Variants in PSMA1 observed in about 807,000 individuals in gnomAD.
PSMA1 encodes the protein proteasome 20S subunit alpha 1, also known as proteasome subunit alpha type-1.
PSMA1 carries 3 observed loss-of-function variants against 38.4 expected under a neutral mutation model. The ratio of observed to expected loss-of-function variants is 0.08; its 90% CI spans 0.04 to 0.20. The LOEUF is 0.20. PSMA1 is among the 10% of genes least tolerant of loss of function. The pLI is 1.00. For synonymous variants in PSMA1, 101 were observed against 107.1 expected (o/e 0.94, Z 0.35); for missense variants, 227 against 325.3 (o/e 0.70, Z 2.32).
intron 1 of PSMA1, among the ~76,000 whole-genome samples, chr11:14,637,434 C>T (rs535490906): frequency 5.1e-4 from 78 of 152,248 alleles, no homozygotes; most frequent in African/African-American, 1.9e-3. Context: ...TCTCCTTTAC[C>T]AAACTGAGGA....
At chr11:14,519,174 T>C (rs751393339) in intron 1 of PSMA1, 133 bp from the exon 2 acceptor site, 1 of 771,230 alleles carries the variant, frequency 1.3e-6, no homozygotes, top group Admixed American at 2.0e-5. Flanking sequence ...TACTGGAAGA[T>C]TACTACTGTA....
intron 2 of PSMA1, among the ~76,000 whole-genome samples, chr11:14,573,498 T>C (rs1054910061): frequency 3.9e-5 from 6 of 152,212 alleles, no homozygotes; most frequent in Non-Finnish European, 7.3e-5. Context: ...AATTAGGTAT[T>C]GATGGGACAT....
chr11:14,638,390 TAAGAA>T (rs1358111815), intron 1 of PSMA1, among the ~76,000 whole-genome samples: 3 of 151,416 alleles, frequency 2.0e-5, no homozygotes, highest in East Asian at 3.9e-4. Flanking sequence ...AAAAATTTTT[TAAGAA>T]AAGAATAGTC....
At chr11:14,506,199 T>C (rs1254710070) in intron 9 of PSMA1, among the ~76,000 whole-genome samples, 1 of 152,210 alleles carries the variant, frequency 6.6e-6, no homozygotes, top group African/African-American at 2.4e-5. Flanking sequence ...GTATATATAA[T>C]TTCACATTTC....
At position 14,583,732 on chromosome 11, in the gene PSMA1, G is replaced by T. The variant is rs143255112; in HGVS notation, c.21+27234C>A. On this transcript the variant is annotated intron_variant, in intron 2 of 10. Coordinates refer to the PSMA1 transcript ENST00000418988. Reference sequence around the variant, plus strand: ...ATTATAAAAGTTTTCCCCAGCAAAGGAGACACAACATTAGGAGAAAAGTAG... The same window carrying T: ...ATTATAAAAGTTTTCCCCAGCAAAGTAGACACAACATTAGGAGAAAAGTAG... Among the ~76,000 whole-genome samples the T allele has an allele frequency of 9.1e-3, 1,385 of 152,260 alleles. 67 individuals carry two copies. Among genetic ancestry groups the T allele is most frequent in the Non-Finnish European group, 2.2e-3 (153 of 68,022 alleles).
intron 9 of PSMA1, 92 bp from the exon 10 acceptor site, chr11:14,505,340 G>A (rs1554966273): frequency 2.8e-6 from 3 of 1,053,286 alleles, no homozygotes; most frequent in Non-Finnish European, 2.9e-6. Context: ...TAAAAATTGA[G>A]AAAAAGGGGT....
chr11:14,559,301 G>T (rs1449423716), intron 2 of PSMA1, among the ~76,000 whole-genome samples: 1 of 152,140 alleles, frequency 6.6e-6, no homozygotes, highest in Admixed American at 6.5e-5. Context: ...AGATGTAGTG[G>T]GTTAAGGAAG....
At chr11:14,526,944 T>C (rs1393146632) in intron 2 of PSMA1, among the ~76,000 whole-genome samples, 2 of 152,192 alleles carry the variant, frequency 1.3e-5, no homozygotes, top group African/African-American at 4.8e-5. Flanking sequence ...GCCTAACTCA[T>C]TGCCTTAACT....
intron 1 of PSMA1, among the ~76,000 whole-genome samples, chr11:14,634,045 C>G (rs558330339): frequency 6.6e-6 from 1 of 152,298 alleles, no homozygotes; most frequent in South Asian, 2.1e-4. Context: ...GTCTGGCACT[C>G]CCTAGTGAGA....
At chr11:14,532,440 A>G (rs527418707) in intron 2 of PSMA1, among the ~76,000 whole-genome samples, 22 of 151,378 alleles carry the variant, frequency 1.5e-4, no homozygotes, top group Non-Finnish European at 2.7e-4. Context: ...CCCCACCTCT[A>G]CTAAAAATAC....
upstream of PSMA1, among the ~76,000 whole-genome samples, chr11:14,523,951 T>C (rs1489542074): frequency 6.6e-6 from 1 of 151,374 alleles, no homozygotes; most frequent in Non-Finnish European, 1.5e-5. Flanking sequence ...GTAGGAAGAC[T>C]AGGTCAGCGA....
At chr11:14,640,975 G>GT (rs1402843443) in intron 1 of PSMA1, among the ~76,000 whole-genome samples, 2 of 152,080 alleles carry the variant, frequency 1.3e-5, no homozygotes, top group East Asian at 3.8e-4. Context: ...GAGCAGGGTG[G>GT]TAACAGCCAG....
At chr11:14,602,320 CTG>C (rs1331642151) in intron 2 of PSMA1, among the ~76,000 whole-genome samples, 1 of 152,152 alleles carries the variant, frequency 6.6e-6, no homozygotes, top group Admixed American at 6.5e-5. Context: ...GCAAGGAAAA[CTG>C]TCTCATTTAT....
At chr11:14,540,503 ATGTC>A (rs1851762215) in intron 2 of PSMA1, among the ~76,000 whole-genome samples, 1 of 152,202 alleles carries the variant, frequency 6.6e-6, no homozygotes, top group Admixed American at 6.5e-5. Flanking sequence ...CTGGAGGTAA[ATGTC>A]TGTTTTTCAG....
At chr11:14,524,162 AG>A (rs1243369303), upstream of PSMA1, among the ~76,000 whole-genome samples, 1 of 142,536 alleles carries the variant, frequency 7.0e-6, no homozygotes, top group Non-Finnish European at 1.5e-5. Flanking sequence ...AGAGAGAGGG[AG>A]GAAGAAAGGA....
chr11:14,550,802 G>A (rs1851877226), intron 2 of PSMA1, among the ~76,000 whole-genome samples: 1 of 151,874 alleles, frequency 6.6e-6, no homozygotes, highest in Non-Finnish European at 1.5e-5. Flanking sequence ...TCTCCTGTAA[G>A]GAAGAAAATA....
chr11:14,520,345 C>G lies in PSMA1; in HGVS notation c.-46G>C. On this transcript the variant is annotated 5_prime_UTR_variant, in exon 1 of 10. Coordinates refer to ENST00000396394, the MANE Select transcript of PSMA1 (RefSeq NM_002786.4). ...TGCGGCCTCCAGCAAAACTGAGAAT[C>G]AAGGAGGTGCTGCCGAAAGTATCGC... The G allele has an allele frequency of 6.2e-7, 1 of 1,614,236 alleles. No individual in the cohort carries two copies. The highest frequency in any genetic ancestry group is 1.7e-4 in the Middle Eastern group (1 of 6,060).
intron 2 of PSMA1, among the ~76,000 whole-genome samples, chr11:14,581,798 T>C (rs1269583677): frequency 1.3e-5 from 2 of 152,224 alleles, no homozygotes; most frequent in Non-Finnish European, 2.9e-5. Context: ...CTTCTTTATA[T>C]CCCTTAGCTC....
intron 1 of PSMA1, among the ~76,000 whole-genome samples, chr11:14,635,880 CTT>C (rs1438315092): frequency 1.3e-5 from 2 of 152,116 alleles, no homozygotes; most frequent in Non-Finnish European, 2.9e-5. Context: ...TTTTTACTCT[CTT>C]ATTTGTAGGA....
Sources: allele counts gnomAD v4.1 joint callset (sites outside exome capture counted in the v4.1 genomes callset), GRCh38; gene constraint gnomAD v4.1.1; transcripts MANE v1.5; gene names NCBI Gene and HGNC (gene_info 2026-07-23, HGNC 2026-07-21).